Variants in DYM observed in about 807,000 individuals in gnomAD.
The protein encoded by DYM is dymeclin.
In DYM, 78 loss-of-function variants were observed where a neutral mutation model predicts 93.1. The observed-to-expected ratio is 0.84, with a 90% confidence interval of 0.70 to 1.01. DYM has a LOEUF of 1.01. Ranked by LOEUF, DYM falls within the 50% of genes least tolerant of loss-of-function variation. The pLI is 0.00. For missense variants in DYM, 789 were observed against 845.0 expected (o/e 0.93, Z 0.82); for synonymous variants, 321 against 319.7 (o/e 1.00, Z -0.04).
intron 17 of DYM, among the ~76,000 whole-genome samples, chr18:49,092,730 G>C (rs911666008): frequency 6.6e-6 from 1 of 152,218 alleles, no homozygotes; most frequent in Non-Finnish European, 1.5e-5. Flanking sequence ...TAAAGGGACA[G>C]GTGGGTGCAT....
chr18:49,044,225 T>A (rs748403187), intron 17 of DYM, 21 bp from the exon 18 acceptor site: 2 of 1,613,650 alleles, frequency 1.2e-6, no homozygotes, highest in Non-Finnish European at 1.7e-6. Context: ...AATAAGATGA[T>A]TTTATAATCC....
At chr18:49,418,008 C>T (rs8086225) in intron 2 of DYM, 16,995 of 142,832 alleles carry the variant, frequency 0.12, 1,321 homozygotes, top group African/African-American at 0.23. Context: ...TGTGGTGAGC[C>T]GAGATCATGC....
chr18:49,413,655 T>C (rs1211037980), intron 2 of DYM, among the ~76,000 whole-genome samples: 1 of 152,198 alleles, frequency 6.6e-6, no homozygotes, highest in Non-Finnish European at 1.5e-5. Flanking sequence ...GGTATATAAC[T>C]ACAATGGGTA....
At chr18:49,332,890 A>G (rs887420731) in intron 7 of DYM, among the ~76,000 whole-genome samples, 1 of 152,134 alleles carries the variant, frequency 6.6e-6, no homozygotes, top group Admixed American at 6.6e-5. Context: ...TGCCAGCACT[A>G]CTTCAAACCA....
At chr18:49,302,805 C>A (rs1224925855) in intron 8 of DYM, among the ~76,000 whole-genome samples, 2 of 152,150 alleles carry the variant, frequency 1.3e-5, no homozygotes, top group Non-Finnish European at 2.9e-5. Context: ...AGATTTGCAT[C>A]CATGCTGTTC....
At position 49,430,304 on chromosome 18, in the gene DYM, G is replaced by A. The variant is rs753943640; in HGVS notation, c.91C>T (p.Pro31Ser). The A allele has an allele frequency of 6.2e-7, 1 of 1,613,910 alleles. No homozygotes were observed. The highest frequency in any genetic ancestry group is 1.1e-5 in the South Asian group (1 of 91,068). Residue 31 changes from proline to serine, a missense_variant, in exon 2 of 18, where the codon CCG becomes TCG. This residue lies in a region of DYM where 450 missense variants were observed against 436.2 expected (regional missense o/e 1.03). Transcript: ENST00000675505. ...SGTESISEND[P>S]FWNQLLSFSF... is the part of the protein sequence containing the mutation. ...AATGAGAGAAGCTGATTCCAGAACG[G>A]GTCATTCTCAGAGATAGATTCCGTG...
chr18:49,305,713 A>C (rs1454456521), intron 8 of DYM, among the ~76,000 whole-genome samples: 1 of 152,180 alleles, frequency 6.6e-6, no homozygotes, highest in East Asian at 1.9e-4. Context: ...AAATATGTAA[A>C]AATTTCCGAT....
chr18:49,085,140 AC>A (rs772948475), intron 17 of DYM, among the ~76,000 whole-genome samples: 4 of 152,190 alleles, frequency 2.6e-5, no homozygotes, highest in Non-Finnish European at 5.9e-5. Context: ...ACAATGTATG[AC>A]CAAAAACAGG....
intron 15 of DYM, among the ~76,000 whole-genome samples, chr18:49,146,032 C>T (rs1432804952): frequency 6.6e-6 from 1 of 152,044 alleles, no homozygotes; most frequent in Admixed American, 6.6e-5. Flanking sequence ...ATGTAATATT[C>T]AAATTAGCTA....
At chr18:49,218,506 T>G (rs1394200091) in intron 13 of DYM, among the ~76,000 whole-genome samples, 1 of 152,184 alleles carries the variant, frequency 6.6e-6, no homozygotes, top group Non-Finnish European at 1.5e-5. Flanking sequence ...TAGTTGGAAG[T>G]AGAGCTCTCC....
intron 5 of DYM, among the ~76,000 whole-genome samples, chr18:49,367,358 G>A (rs769556240): frequency 2.1e-4 from 32 of 152,178 alleles, no homozygotes; most frequent in Admixed American, 1.4e-3. Context: ...GTAGACAAGC[G>A]AGATGATATC....
intron 1 of DYM, among the ~76,000 whole-genome samples, chr18:49,457,899 G>C (rs1185203261): frequency 6.6e-6 from 1 of 152,190 alleles, no homozygotes; most frequent in African/African-American, 2.4e-5. Flanking sequence ...AACACTGGTG[G>C]CTTTGAAGAC....
At chr18:49,213,273 A>G (rs1244823433) in intron 13 of DYM, among the ~76,000 whole-genome samples, 1 of 151,468 alleles carries the variant, frequency 6.6e-6, no homozygotes, top group Non-Finnish European at 1.5e-5. Context: ...ATTATAACAC[A>G]TTTCCATAGG....
At chr18:49,230,953 CAT>C (rs1200213730) in intron 13 of DYM, among the ~76,000 whole-genome samples, 2 of 152,040 alleles carry the variant, frequency 1.3e-5, no homozygotes, top group Non-Finnish European at 1.5e-5. Context: ...TTAAAATGCA[CAT>C]AGAGCTTAAA....
At chr18:49,371,708 A>G (rs538997206) in intron 5 of DYM, among the ~76,000 whole-genome samples, 2 of 152,236 alleles carry the variant, frequency 1.3e-5, no homozygotes, top group Non-Finnish European at 2.9e-5. Flanking sequence ...ACAATTTTGT[A>G]TTACTTCATA....
Position 49,348,611 on chromosome 18 carries a change from T to TAA in DYM, c.494+14548_494+14549dup, listed in dbSNP as rs34305223. Among the ~76,000 whole-genome samples, 16 of 144,922 alleles carry TAA rather than the reference T, an allele frequency of 1.1e-4. No individual in the cohort carries two copies. In the East Asian group the frequency reaches 1.4e-3, roughly 13 times the overall value. On this transcript the variant is annotated intron_variant, in intron 6 of 17. Coordinates refer to ENST00000675505, the MANE Select transcript of DYM (RefSeq NM_001353214.3). Reference sequence around the variant, plus strand: ...TATCCATTACTTTTTTTATGATTTATAAAAAAAAAAAAATGGGCCGAGTGC... The same window carrying TAA: ...TATCCATTACTTTTTTTATGATTTATAAAAAAAAAAAAAAATGGGCCGAGTGC...
chr18:49,063,390 A>AC (rs2076143134), intron 17 of DYM, among the ~76,000 whole-genome samples: 1 of 151,502 alleles, frequency 6.6e-6, no homozygotes, highest in Non-Finnish European at 1.5e-5. Context: ...TTTTGTAAAT[A>AC]GATATATGAA....
intron 6 of DYM, among the ~76,000 whole-genome samples, chr18:49,341,512 A>G (rs1472537537): frequency 1.3e-5 from 2 of 150,854 alleles, no homozygotes; most frequent in Non-Finnish European, 3.0e-5. Flanking sequence ...AAAAAAAAAA[A>G]AAAAATGATA....
intron 6 of DYM, 50 bp from the exon 7 acceptor site, chr18:49,333,903 C>T (rs775536875): frequency 3.9e-6 from 6 of 1,538,332 alleles, no homozygotes; most frequent in Non-Finnish European, 5.3e-6. Context: ...GATTAAGACA[C>T]TATTCTTTTC....
Sources: allele counts gnomAD v4.1 joint callset (sites outside exome capture counted in the v4.1 genomes callset), GRCh38; gene constraint gnomAD v4.1.1; regional missense constraint gnomAD v4.1.1; transcripts MANE v1.5; gene names NCBI Gene and HGNC (gene_info 2026-07-23, HGNC 2026-07-21).